The following EPB41 variants were observed in gnomAD, a reference collection of about 807,000 sequenced individuals.
The protein encoded by EPB41 is erythrocyte membrane protein band 4.1, also known as protein 4.1.
Under a neutral mutation model 108.0 loss-of-function variants are expected in EPB41, and 65 were observed. That is an observed-to-expected ratio of 0.60 (90% CI 0.49 to 0.74). The LOEUF (loss-of-function observed/expected upper bound fraction) is 0.74. EPB41 is among the 30% of genes least tolerant of loss of function. The pLI is 0.00. For missense variants in EPB41, 875 were observed against 1,037.0 expected, an observed-to-expected ratio of 0.84 and a Z score of 2.15; for synonymous variants, 336 against 358.9, an observed-to-expected ratio of 0.94 and a Z score of 0.72.
At chr1:29,112,197 C>T (rs1272260453) in intron 18 of EPB41, among the ~76,000 whole-genome samples, 171 bp from the exon 19 acceptor site, 2 of 152,018 alleles carry the variant, frequency 1.3e-5, no homozygotes, top group African/African-American at 4.8e-5. Flanking sequence ...GACGAGGTCT[C>T]ATTATGTTGC....
At chr1:29,011,284 G>A (rs2096496676) in intron 4 of EPB41, among the ~76,000 whole-genome samples, 1 of 151,830 alleles carries the variant, frequency 6.6e-6, no homozygotes, top group South Asian at 2.1e-4. Context: ...AGAATTGCTT[G>A]AACCCACGAG....
At chr1:28,959,458 C>CAG (rs2095109275) in intron 1 of EPB41, among the ~76,000 whole-genome samples, 1 of 151,978 alleles carries the variant, frequency 6.6e-6, no homozygotes, top group Non-Finnish European at 1.5e-5. Flanking sequence ...CTCAAGTAGT[C>CAG]CACCCGCCTC....
chr1:29,011,046 A>G (rs2096490718), intron 4 of EPB41, among the ~76,000 whole-genome samples: 1 of 147,906 alleles, frequency 6.8e-6, no homozygotes, highest in Non-Finnish European at 1.5e-5. Flanking sequence ...TGAACCCGGG[A>G]GGCGGAGGTT....
At position 28,955,644 on chromosome 1, in the gene EPB41, CTGA is replaced by C. The variant is rs71898615; in HGVS notation, c.-7-31782_-7-31780del. Among the ~76,000 whole-genome samples the C allele has an allele frequency of 1.7e-3, 257 of 152,134 alleles. 1 individual carries two copies. The highest frequency in any genetic ancestry group is 5.7e-3 in the African/African-American group (238 of 41,526). On this transcript the variant is annotated intron_variant, in intron 1 of 20. Coordinates refer to ENST00000343067, the MANE Select transcript of EPB41 (RefSeq NM_001376013.1). ...AGACGTGAGCCCACCACGCCCAGCCCTGATGATCTATTTTTCTACTTGACTGTC... is the reference window on the plus strand; with the variant it reads ...AGACGTGAGCCCACCACGCCCAGCCCTGATCTATTTTTCTACTTGACTGTC...
upstream of EPB41, among the ~76,000 whole-genome samples, chr1:28,911,852 G>C (rs934118550): frequency 6.6e-6 from 1 of 151,858 alleles, no homozygotes; most frequent in African/African-American, 2.4e-5. Context: ...AGACCAGCCT[G>C]ACCAACATGG....
intron 16 of EPB41, chr1:29,065,966 CAAAAAA>C (rs71022389): frequency 3.3e-5 from 3 of 91,014 alleles, no homozygotes; most frequent in Middle Eastern, 6.0e-3. Context: ...GACCCTGTCT[CAAAAAA>C]AAAAAAAAAA....
At position 28,997,156 on chromosome 1, in the gene EPB41, G is replaced by A. The variant is rs1350082843; in HGVS notation, c.682-59G>A. ...AACAGAGTGAATCCCCATCTCTTTTGGGGAAAAAATAAAAGAAGAAGAAAC... is the reference window on the plus strand; with the variant it reads ...AACAGAGTGAATCCCCATCTCTTTTAGGGAAAAAATAAAAGAAGAAGAAAC... On this transcript the variant is annotated intron_variant, in intron 3 of 20. Transcript: ENST00000343067. The A allele has an allele frequency of 3.1e-6, 4 of 1,280,868 alleles. No individual in the cohort carries two copies. The African/African-American group carries it at 5.9e-5, about 19-fold the overall frequency. 79.3% of individuals were successfully genotyped at this position (1,280,868 alleles called of 1,614,324 possible).
chr1:28,967,111 A>G (rs2095376009), intron 1 of EPB41, among the ~76,000 whole-genome samples: 1 of 133,110 alleles, frequency 7.5e-6, no homozygotes, highest in South Asian at 2.5e-4. Context: ...CTCTGCCTCC[A>G]GGGTTCAAGC....
chr1:28,999,652 G>C (rs1448792209), intron 4 of EPB41, among the ~76,000 whole-genome samples: 1 of 152,184 alleles, frequency 6.6e-6, no homozygotes, highest in African/African-American at 2.4e-5. Flanking sequence ...TTCAGCAGAA[G>C]AAATAATTTC....
intron 16 of EPB41, chr1:29,070,684 A>T: frequency 8.1e-7 from 1 of 1,231,328 alleles, no homozygotes; most frequent in Non-Finnish European, 1.0e-6. Flanking sequence ...CAACTGTGTT[A>T]TTGCTGTATG....
At chr1:29,068,846 A>G (rs1281665924) in intron 16 of EPB41, 16 of 1,174,496 alleles carry the variant, frequency 1.4e-5, no homozygotes, top group Non-Finnish European at 1.7e-5. Flanking sequence ...GGCACTAAGC[A>G]GATAATCCCC....
At chr1:28,964,707 G>T (rs1347600122) in intron 1 of EPB41, among the ~76,000 whole-genome samples, 1 of 152,190 alleles carries the variant, frequency 6.6e-6, no homozygotes, top group Non-Finnish European at 1.5e-5. Flanking sequence ...CATTGCAAAA[G>T]CAGGCTTTCC....
At chr1:28,917,422 A>G (rs2092762598) in intron 1 of EPB41, among the ~76,000 whole-genome samples, 1 of 152,134 alleles carries the variant, frequency 6.6e-6, no homozygotes, top group Non-Finnish European at 1.5e-5. Context: ...CTGGGATTAC[A>G]GGCGCTTGCC....
At chr1:29,110,613 AAC>A (rs1668828044) in intron 18 of EPB41, among the ~76,000 whole-genome samples, 2 of 152,204 alleles carry the variant, frequency 1.3e-5, no homozygotes, top group Admixed American at 6.6e-5. Context: ...TGTTTGCTGT[AAC>A]ACTAGAGGAA....
At chr1:28,950,823 C>T (rs1347880881) in intron 1 of EPB41, among the ~76,000 whole-genome samples, 1 of 152,150 alleles carries the variant, frequency 6.6e-6, no homozygotes, top group African/African-American at 2.4e-5. Context: ...CTTGAACAGG[C>T]ACCTAGCAGT....
chr1:28,887,663 G>T lies in EPB41; in HGVS notation c.-8+453G>T, dbSNP rs948583817. ...GCGGCTAGCAGCGGGAGGGGGCTCCGGGGCCTGGAGCCCCGCGCCCCGCTC... is the reference window on the plus strand; with the variant it reads ...GCGGCTAGCAGCGGGAGGGGGCTCCTGGGCCTGGAGCCCCGCGCCCCGCTC... On this transcript the variant is annotated intron_variant, in intron 1 of 16. Transcript: ENST00000347529. This position sits in a 1 kb window ranked among gnomAD's most constrained non-coding sequence, Gnocchi z 4.9. 1.0e-6 allele frequency: 1 copy of T among 984,990 alleles called. No individual in the cohort carries two copies. The highest frequency in any genetic ancestry group is 6.1e-5 in the Admixed American group (1 of 16,262). The allele number at this position is 984,990 out of a possible 1,614,324, so 61.0% of individuals were successfully genotyped here.
intron 4 of EPB41, among the ~76,000 whole-genome samples, chr1:29,004,351 A>G (rs2096360566): frequency 6.6e-6 from 1 of 152,338 alleles, no homozygotes; most frequent in East Asian, 1.9e-4. Context: ...TTCTGTGTGG[A>G]TGAATTTTCT....
At chr1:29,083,202 C>T (rs983758268) in intron 16 of EPB41, among the ~76,000 whole-genome samples, 11 of 149,662 alleles carry the variant, frequency 7.3e-5, no homozygotes, top group Non-Finnish European at 1.5e-4. Context: ...AGAGAGGGTA[C>T]ATCCAAGAGA....
intron 16 of EPB41, among the ~76,000 whole-genome samples, chr1:29,092,284 A>G (rs1467234687): frequency 6.6e-6 from 1 of 151,782 alleles, no homozygotes; most frequent in South Asian, 2.1e-4. Flanking sequence ...TTTAGTAGAG[A>G]TGGGGTTTCT....
Sources: allele counts gnomAD v4.1 joint callset (sites outside exome capture counted in the v4.1 genomes callset), GRCh38; gene constraint gnomAD v4.1.1; non-coding constraint Gnocchi (gnomAD v3.1); transcripts MANE v1.5; gene names NCBI Gene and HGNC (gene_info 2026-07-23, HGNC 2026-07-21).